The following PTGIS variants were observed in gnomAD, a reference collection of about 807,000 sequenced individuals.
PTGIS encodes the protein prostacyclin synthase.
PTGIS carries 45 observed loss-of-function variants against 50.3 expected under a neutral mutation model. The observed-to-expected ratio is 0.90, with a 90% CI of 0.70 to 1.15. The LOEUF is 1.15. Ranked by LOEUF, PTGIS falls within the 50% of genes most tolerant of loss-of-function variation. The pLI, the probability that PTGIS is intolerant of heterozygous loss-of-function variation, is 0.00. For missense variants in PTGIS, 668 were observed against 661.3 expected, an observed-to-expected ratio of 1.01 and a Z score of -0.11; for synonymous variants, 260 against 267.7, an observed-to-expected ratio of 0.97 and a Z score of 0.28.
At chr20:49,543,056 GA>G (rs1982270607) in intron 4 of PTGIS, among the ~76,000 whole-genome samples, 1 of 152,082 alleles carries the variant, frequency 6.6e-6, no homozygotes, top group Non-Finnish European at 1.5e-5. Flanking sequence ...TAATTTCTTG[GA>G]GGGGTTGAAA....
At chr20:49,552,256 A>C (rs1420320934) in intron 1 of PTGIS, among the ~76,000 whole-genome samples, 2 of 152,132 alleles carry the variant, frequency 1.3e-5, no homozygotes, top group Non-Finnish European at 2.9e-5. Flanking sequence ...CTTTTGTAAC[A>C]AAGTGCACTG....
At chr20:49,534,114 T>C (rs1185152874) in intron 5 of PTGIS, among the ~76,000 whole-genome samples, 1 of 152,242 alleles carries the variant, frequency 6.6e-6, no homozygotes, top group African/African-American at 2.4e-5. Flanking sequence ...GGCCTTTAGA[T>C]GAATGCATAA....
intron 1 of PTGIS, among the ~76,000 whole-genome samples, chr20:49,551,794 ATGTG>A (rs150597797): frequency 0.074 from 10,036 of 135,384 alleles, 421 homozygotes; most frequent in Non-Finnish European, 0.094. Flanking sequence ...GTGTGTATGC[ATGTG>A]TATGTGTTTG....
chr20:49,544,639 T>C (rs1310831419), intron 3 of PTGIS, among the ~76,000 whole-genome samples, 191 bp from the exon 4 acceptor site: 1 of 152,228 alleles, frequency 6.6e-6, no homozygotes, highest in East Asian at 1.9e-4. Flanking sequence ...CCATCTGTTA[T>C]ACTGAGCCTA....
rs116079293 is a variant in PTGIS at position 49,543,641 on chromosome 20, G to A, written c.521+664C>T. 2.7e-3 allele frequency among the ~76,000 whole-genome samples: 410 copies of A among 152,236 alleles called. 3 individuals carry two copies. Among genetic ancestry groups the A allele is most frequent in the African/African-American group, 9.4e-3 (389 of 41,522 alleles). On this transcript the variant is annotated intron_variant, in intron 4 of 9. Coordinates refer to ENST00000244043, the MANE Select transcript of PTGIS (RefSeq NM_000961.4). ...TGTTTCCCCTGCCTAGAGTGTTGGCGTGGTGGGCACTTTGCAGTTAGGTCT... is the reference window on the plus strand; with the variant it reads ...TGTTTCCCCTGCCTAGAGTGTTGGCATGGTGGGCACTTTGCAGTTAGGTCT...
rs748144505 is a variant in PTGIS at position 49,550,078 on chromosome 20, A to G, written c.186T>C (p.Gly62=). 8.1e-6 allele frequency: 13 copies of G among 1,614,076 alleles called. No homozygotes were observed. The Admixed American group carries it at 8.3e-5, about 10-fold the overall frequency. Residue 62 remains glycine, a synonymous_variant, in exon 2 of 10, where the codon GGT becomes GGC. Coordinates refer to ENST00000244043, the MANE Select transcript of PTGIS (RefSeq NM_000961.4). ...SFLTRMKEKH[G]DIFTILVGGR... The stretch of plus-strand genomic sequence containing the variant: ...AAGAGGCACTTACAGTAAAGATGTC[A>G]CCGTGCTTCTCCTTCATCCTCGTGA...
intron 7 of PTGIS, among the ~76,000 whole-genome samples, chr20:49,513,685 G>A (rs946711286): frequency 3.3e-5 from 5 of 152,182 alleles, no homozygotes; most frequent in African/African-American, 9.7e-5. Flanking sequence ...ATGGGGCTGT[G>A]ACTGGCCAAT....
At chr20:49,527,696 G>C (rs1270875799) in intron 5 of PTGIS, among the ~76,000 whole-genome samples, 4 of 152,132 alleles carry the variant, frequency 2.6e-5, no homozygotes, top group Non-Finnish European at 5.9e-5. Flanking sequence ...ACAACATTGT[G>C]AATGTATTTA....
At chr20:49,523,769 ACT>A (rs1204440525) in intron 6 of PTGIS, among the ~76,000 whole-genome samples, 4 of 152,018 alleles carry the variant, frequency 2.6e-5, no homozygotes, top group South Asian at 4.1e-4. Context: ...ACAGAGCGAG[ACT>A]CTGTCTCAAA....
chr20:49,527,889 A>G (rs895297516), intron 5 of PTGIS, among the ~76,000 whole-genome samples: 4 of 152,210 alleles, frequency 2.6e-5, no homozygotes, highest in Non-Finnish European at 5.9e-5. Context: ...TAATCCCAAC[A>G]CTTTGGGAGG....
intron 5 of PTGIS, among the ~76,000 whole-genome samples, chr20:49,538,248 C>A (rs1239860749): frequency 5.5e-5 from 6 of 109,290 alleles, no homozygotes; most frequent in African/African-American, 1.5e-4. Flanking sequence ...GAGTGAGACC[C>A]TGGTTCAGAA....
rs1982516137 is a variant in PTGIS, at chr20:49,551,806, T to TG, written c.75-1618_75-1617insC. On this transcript the variant is annotated intron_variant, in intron 1 of 9. Coordinates refer to ENST00000244043, the MANE Select transcript of PTGIS (RefSeq NM_000961.4). ...TGTGTGTGTATGCATGTGTATGTGT[T>TG]TGTGTGTGTGTGTGTGTGTGTGTGT... Among the ~76,000 whole-genome samples the TG allele has an allele frequency of 6.3e-5, 9 of 142,680 alleles. No homozygotes were observed. In the South Asian group the frequency reaches 1.9e-3, roughly 29 times the overall value. The allele number at this position is 142,680 out of a possible 152,430, so 93.6% of individuals were successfully genotyped here. A position where few individuals can be genotyped will look rare whatever the true frequency, so the allele number is the denominator to read the frequency against.
intron 5 of PTGIS, among the ~76,000 whole-genome samples, chr20:49,535,013 C>CA (rs1018730624): frequency 1.3e-5 from 2 of 151,948 alleles, no homozygotes; most frequent in African/African-American, 4.8e-5. Context: ...TTCAAAACAA[C>CA]AAAAAAACCA....
intron 6 of PTGIS, 65 bp from the exon 7 acceptor site, chr20:49,514,460 C>A: frequency 6.4e-7 from 1 of 1,573,800 alleles, no homozygotes; most frequent in Admixed American, 1.8e-5. Context: ...CTGCCAGGGA[C>A]ACAGCTCGGG....
chr20:49,547,998 C>T lies in PTGIS; in HGVS notation c.220G>A (p.Val74Ile), dbSNP rs779388532. Residue 74 changes from valine (V) to isoleucine (I), a missense_variant, in exon 3 of 10, where the codon GTC becomes ATC. Physicochemically the swap from Val to Ile is conservative, Grantham distance 29. Transcript: ENST00000244043. ...IFTILVGGRY[V>I]TVLLDPHSYD... Reference sequence around the variant, plus strand: ...GAGTGTGGGTCCAGGAGAACGGTGACATACCTGCCCCCAACCAGTATCTGT... The same window carrying T: ...GAGTGTGGGTCCAGGAGAACGGTGATATACCTGCCCCCAACCAGTATCTGT... 1.2e-6 allele frequency: 2 copies of T among 1,613,930 alleles called. No homozygotes were observed. Among genetic ancestry groups the T allele is most frequent in the Non-Finnish European group, 1.7e-6 (2 of 1,180,000 alleles).
intron 6 of PTGIS, among the ~76,000 whole-genome samples, chr20:49,523,380 T>C (rs570679951): frequency 2.0e-5 from 3 of 152,210 alleles, no homozygotes; most frequent in Admixed American, 2.0e-4. Context: ...GCAAAGGTGG[T>C]AAAATGTTTA....
chr20:49,527,197 A>G (rs1981813045), intron 5 of PTGIS, among the ~76,000 whole-genome samples: 1 of 151,286 alleles, frequency 6.6e-6, no homozygotes, highest in Admixed American at 6.6e-5. Context: ...CAATCCTAGC[A>G]CCTTGGGAGG....
At chr20:49,562,639 C>T (rs921476295) in intron 1 of PTGIS, among the ~76,000 whole-genome samples, 4 of 152,204 alleles carry the variant, frequency 2.6e-5, no homozygotes, top group African/African-American at 9.7e-5. Context: ...CTTTCCATCC[C>T]CGGCTCCTGC....
At chr20:49,564,632 C>A (rs1166597278) in intron 1 of PTGIS, among the ~76,000 whole-genome samples, 1 of 152,060 alleles carries the variant, frequency 6.6e-6, no homozygotes, top group Non-Finnish European at 1.5e-5. Flanking sequence ...TATTCTTTTT[C>A]TTTTTCTGTA....
Sources: allele counts gnomAD v4.1 joint callset (sites outside exome capture counted in the v4.1 genomes callset), GRCh38; gene constraint gnomAD v4.1.1; transcripts MANE v1.5; gene names NCBI Gene and HGNC (gene_info 2026-07-23, HGNC 2026-07-21).